The following ADAMTS3 variants were observed in gnomAD, a reference collection of about 807,000 sequenced individuals.
ADAMTS3 encodes the protein ADAM metallopeptidase with thrombospondin type 1 motif 3.
A neutral mutation model predicts 129.0 loss-of-function variants in ADAMTS3; 73 were observed. The observed-to-expected ratio is 0.57, with a 90% CI of 0.47 to 0.69. The LOEUF (loss-of-function observed/expected upper bound fraction) is 0.69. Among genes scored for constraint, ADAMTS3 ranks in the 30% least tolerant of loss-of-function variants. The pLI is 0.00. For missense variants in ADAMTS3, 1,457 were observed against 1,514.5 expected, an observed-to-expected ratio of 0.96 and a Z score of 0.63; for synonymous variants, 477 against 510.8, an observed-to-expected ratio of 0.93 and a Z score of 0.89.
chr4:72,554,195 C>T (rs1360585912), intron 2 of ADAMTS3, among the ~76,000 whole-genome samples: 2 of 152,148 alleles, frequency 1.3e-5, no homozygotes, highest in Non-Finnish European at 2.9e-5. Context: ...TTTGTGCAGA[C>T]ATATGCAGTT....
Position 72,519,031 on chromosome 4 carries a change from T to C in ADAMTS3, c.504+29447A>G, listed in dbSNP as rs753077233. Among the ~76,000 whole-genome samples the C allele has an allele frequency of 3.3e-4, 50 of 151,162 alleles. 2 individuals are homozygous for C. The highest frequency in any genetic ancestry group is 6.3e-4 in the South Asian group (3 of 4,784). Reference sequence around the variant, plus strand: ...TTCAGGAGCTCTTTTAGGGCAGGCCTGGTGGTGACAAAATCTCTCAGCATT... The same window carrying C: ...TTCAGGAGCTCTTTTAGGGCAGGCCCGGTGGTGACAAAATCTCTCAGCATT... On this transcript the variant is annotated intron_variant, in intron 3 of 21. Transcript: ENST00000286657.
chr4:72,302,892 C>A (rs1347746676), intron 17 of ADAMTS3, among the ~76,000 whole-genome samples: 1 of 152,092 alleles, frequency 6.6e-6, no homozygotes, highest in Non-Finnish European at 1.5e-5. Context: ...TGTATATTGG[C>A]CCCTAGGTTC....
At chr4:72,532,149 A>G (rs1420530742) in intron 3 of ADAMTS3, among the ~76,000 whole-genome samples, 3 of 152,168 alleles carry the variant, frequency 2.0e-5, no homozygotes, top group Admixed American at 2.0e-4. Flanking sequence ...AGAAACAGAC[A>G]GTAGAGTTTT....
At chr4:72,420,797 TCA>T (rs1294002970) in intron 3 of ADAMTS3, among the ~76,000 whole-genome samples, 6 of 152,192 alleles carry the variant, frequency 3.9e-5, no homozygotes, top group Admixed American at 3.9e-4. Flanking sequence ...ATGTTTTCAT[TCA>T]CAGAAACAGA....
intron 4 of ADAMTS3, among the ~76,000 whole-genome samples, chr4:72,343,898 T>C (rs1487259153): frequency 6.6e-6 from 1 of 152,190 alleles, no homozygotes; most frequent in Non-Finnish European, 1.5e-5. Context: ...GTGAGTTTTC[T>C]TTTTTAAAAC....
chr4:72,521,946 A>C lies in ADAMTS3; in HGVS notation c.504+26532T>G, dbSNP rs117818502. 2.3e-4 allele frequency among the ~76,000 whole-genome samples: 35 copies of C among 152,306 alleles called. No homozygotes were observed. The East Asian group carries it at 4.4e-3, about 19-fold the overall frequency. ...ATAAGATCAGAATATCTAGATTTCT[A>C]ATTGAGGTGGCTCTAAAACATCCCA... is the stretch of plus-strand genomic sequence containing the variant. On this transcript the variant is annotated intron_variant, in intron 3 of 21. Transcript: ENST00000286657.
chr4:72,520,940 C>T (rs184987073), intron 3 of ADAMTS3, among the ~76,000 whole-genome samples: 142 of 152,122 alleles, frequency 9.3e-4, no homozygotes, highest in African/African-American at 2.8e-3. Flanking sequence ...GCATCGCTCA[C>T]GCTGGGAGCT....
At chr4:72,430,616 A>G (rs950756428) in intron 3 of ADAMTS3, among the ~76,000 whole-genome samples, 4 of 152,042 alleles carry the variant, frequency 2.6e-5, no homozygotes, top group Admixed American at 2.6e-4. Flanking sequence ...ATCCATGAAC[A>G]TAGTAAATTA....
intron 3 of ADAMTS3, among the ~76,000 whole-genome samples, chr4:72,544,732 C>T (rs1036066905): frequency 1.3e-5 from 2 of 152,108 alleles, no homozygotes; most frequent in Non-Finnish European, 2.9e-5. Flanking sequence ...AAAACTTACA[C>T]TAGTTATAAT....
At position 72,530,475 on chromosome 4, in the gene ADAMTS3, A is replaced by AATATATAAATATATACAAAT. The variant is rs1334957984; in HGVS notation, c.504+18002_504+18003insATTTGTATATATTTATATAT. ...TATTATATATTAAATATATTAATTT[A>AATATATAAATATATACAAAT]ATATATAAATATATATTTATATACA... On this transcript the variant is annotated intron_variant, in intron 3 of 21. Transcript: ENST00000286657. Among the ~76,000 whole-genome samples the AATATATAAATATATACAAAT allele has an allele frequency of 2.7e-3, 221 of 81,636 alleles. 1 individual carries two copies. The highest frequency in any genetic ancestry group is 0.011 in the African/African-American group (209 of 19,816). The allele number at this position is 81,636 out of a possible 152,430, so 53.6% of individuals were successfully genotyped here. A position where few individuals can be genotyped will look rare whatever the true frequency, so the allele number is the denominator to read the frequency against.
At chr4:72,358,365 G>A (rs989332142) in intron 4 of ADAMTS3, among the ~76,000 whole-genome samples, 5 of 151,922 alleles carry the variant, frequency 3.3e-5, no homozygotes, top group African/African-American at 4.8e-5. Context: ...AATTCTCAGG[G>A]TCTGCACCAG....
chr4:72,496,277 A>G (rs946546642), intron 3 of ADAMTS3, among the ~76,000 whole-genome samples: 5 of 152,180 alleles, frequency 3.3e-5, no homozygotes, highest in Admixed American at 1.3e-4. Flanking sequence ...TAATAAATTA[A>G]GTGTTCCTAC....
chr4:72,541,829 AGTTT>A (rs1158588322), intron 3 of ADAMTS3, among the ~76,000 whole-genome samples: 7 of 152,120 alleles, frequency 4.6e-5, no homozygotes, highest in Non-Finnish European at 8.8e-5. Flanking sequence ...TGAGTCCATT[AGTTT>A]TCTTTTTCTT....
intron 4 of ADAMTS3, among the ~76,000 whole-genome samples, chr4:72,382,139 C>A (rs1277582770): frequency 6.6e-6 from 1 of 152,062 alleles, no homozygotes; most frequent in East Asian, 1.9e-4. Flanking sequence ...CACGTAAGGA[C>A]CCATCCCTGC....
intron 3 of ADAMTS3, among the ~76,000 whole-genome samples, chr4:72,536,419 G>C (rs1417548773): frequency 2.0e-5 from 3 of 152,114 alleles, no homozygotes; most frequent in Non-Finnish European, 4.4e-5. Flanking sequence ...GCCGAATTGG[G>C]TTACTGCAGC....
chr4:72,544,633 T>A (rs530975714), intron 3 of ADAMTS3, among the ~76,000 whole-genome samples: 2 of 152,330 alleles, frequency 1.3e-5, no homozygotes. Flanking sequence ...TTTGTTCTTG[T>A]TTTAATTATA....
intron 3 of ADAMTS3, among the ~76,000 whole-genome samples, chr4:72,440,766 T>C (rs909484261): frequency 2.0e-5 from 3 of 151,806 alleles, no homozygotes; most frequent in East Asian, 2.0e-4. Flanking sequence ...TCTCCCTGCA[T>C]GAATTTTGTC....
intron 3 of ADAMTS3, among the ~76,000 whole-genome samples, chr4:72,420,660 A>G (rs1042380183): frequency 6.6e-6 from 1 of 152,164 alleles, no homozygotes; most frequent in Non-Finnish European, 1.5e-5. Context: ...TCAACTATTT[A>G]TCTCAAGTGC....
chr4:72,319,618 A>G, intron 8 of ADAMTS3, 143 bp from the exon 9 acceptor site: 2 of 1,038,052 alleles, frequency 1.9e-6, no homozygotes, highest in Non-Finnish European at 2.8e-6. Context: ...GGAAATTGAC[A>G]GCAATCTGAC....
Sources: allele counts gnomAD v4.1 joint callset (sites outside exome capture counted in the v4.1 genomes callset), GRCh38; gene constraint gnomAD v4.1.1; transcripts MANE v1.5; gene names NCBI Gene and HGNC (gene_info 2026-07-23, HGNC 2026-07-21).